ARHGEF3: variants seen among roughly 807,000 people sequenced by gnomAD.
ARHGEF3 encodes Rho guanine nucleotide exchange factor 3, also known as 59.8 kDA protein.
A neutral mutation model predicts 63.2 loss-of-function variants in ARHGEF3; 28 were observed. The ratio of observed to expected loss-of-function variants is 0.44; its 90% confidence interval spans 0.33 to 0.61. The LOEUF is 0.61. Among genes scored for constraint, ARHGEF3 ranks in the 20% least tolerant of loss-of-function variants. The probability of loss-of-function intolerance (pLI) is 0.03; values close to 1 mark genes in which losing one functional copy is unlikely to be tolerated. For synonymous variants in ARHGEF3, 266 were observed against 254.2 expected (o/e 1.05, Z -0.44); for missense variants, 533 against 659.3 (o/e 0.81, Z 2.10).
At position 56,763,148 on chromosome 3, in the gene ARHGEF3, GT is replaced by G. The variant is rs367830792; in HGVS notation, c.205-7998del. 2.9e-3 allele frequency among the ~76,000 whole-genome samples: 447 copies of G among 152,222 alleles called. 1 individual carries two copies. Among genetic ancestry groups the G allele is most frequent in the African/African-American group, 0.01 (421 of 41,548 alleles). Reference sequence around the variant, plus strand: ...GCTGAGAGACCTTTCATCTCTCTGGGTCTCAGTTTCCTCATCTCTAAAAGGT... The same window carrying G: ...GCTGAGAGACCTTTCATCTCTCTGGGCTCAGTTTCCTCATCTCTAAAAGGT... On this transcript the variant is annotated intron_variant, in intron 2 of 9. Coordinates refer to ENST00000296315, the MANE Select transcript of ARHGEF3 (RefSeq NM_019555.3).
chr3:56,800,415 C>T (rs2037581172), intron 1 of ARHGEF3, among the ~76,000 whole-genome samples: 1 of 152,136 alleles, frequency 6.6e-6, no homozygotes, highest in Non-Finnish European at 1.5e-5. Context: ...CTGCTGGCAA[C>T]AAAAACTCTT....
At chr3:56,974,701 C>T (rs951204062) in intron 2 of ARHGEF3, among the ~76,000 whole-genome samples, 1 of 152,062 alleles carries the variant, frequency 6.6e-6, no homozygotes, top group Non-Finnish European at 1.5e-5. Context: ...AATCATCGCA[C>T]GTTTTCAATG....
At chr3:56,931,725 G>A (rs1036057583) in intron 3 of ARHGEF3, among the ~76,000 whole-genome samples, 1 of 151,898 alleles carries the variant, frequency 6.6e-6, no homozygotes, top group Admixed American at 6.6e-5. Context: ...TTTCCAAAGT[G>A]ATATTCCAAA....
At chr3:57,003,401 CAAAAAAAAAA>C (rs60214570) in intron 2 of ARHGEF3, among the ~76,000 whole-genome samples, 3 of 43,708 alleles carry the variant, frequency 6.9e-5, no homozygotes, top group Admixed American at 4.2e-4. Flanking sequence ...GACGCCGTCT[CAAAAAAAAAA>C]AAAAAAAAAA....
At chr3:56,785,402 C>G (rs932673442) in intron 1 of ARHGEF3, among the ~76,000 whole-genome samples, 3 of 152,116 alleles carry the variant, frequency 2.0e-5, no homozygotes, top group Non-Finnish European at 2.9e-5. Context: ...ATCCTCCCAC[C>G]CGCCCACTGC....
chr3:56,821,962 C>CGAGAAGAGAAGAGAA (rs11278622), intron 4 of ARHGEF3, among the ~76,000 whole-genome samples: 2,528 of 118,868 alleles, frequency 0.021, 51 homozygotes, highest in East Asian at 0.036. Context: ...GACTCTGTCT[C>CGAGAAGAGAAGAGAA]GAGAAGAGAA....
At chr3:56,945,582 G>A (rs1699447631) in intron 3 of ARHGEF3, among the ~76,000 whole-genome samples, 1 of 152,170 alleles carries the variant, frequency 6.6e-6, no homozygotes, top group African/African-American at 2.4e-5. Context: ...GGCTGGAGGA[G>A]GGGCGCCTGC....
intron 3 of ARHGEF3, among the ~76,000 whole-genome samples, chr3:56,907,741 T>C (rs1383293818): frequency 6.6e-6 from 1 of 152,174 alleles, no homozygotes; most frequent in Non-Finnish European, 1.5e-5. Flanking sequence ...CTGGAGGCCA[T>C]TATCCTTAGC....
intron 4 of ARHGEF3, among the ~76,000 whole-genome samples, chr3:56,826,687 C>T (rs563449142): frequency 6.6e-6 from 1 of 152,262 alleles, no homozygotes; most frequent in South Asian, 2.1e-4. Flanking sequence ...TGTTTAGTTG[C>T]CCACTCCTGA....
intron 7 of ARHGEF3, among the ~76,000 whole-genome samples, chr3:56,739,901 ATT>A (rs11391206): frequency 3.5e-5 from 5 of 142,212 alleles, no homozygotes; most frequent in Admixed American, 1.4e-4. Flanking sequence ...AGTTTCAAAG[ATT>A]TTTTTTTTTT....
chr3:56,967,648 T>C (rs1328085620), intron 2 of ARHGEF3, among the ~76,000 whole-genome samples: 1 of 91,496 alleles, frequency 1.1e-5, no homozygotes, highest in Non-Finnish European at 1.9e-5. Context: ...TTATATAATA[T>C]ATAAAATAGC....
intron 7 of ARHGEF3, among the ~76,000 whole-genome samples, chr3:56,742,313 A>C (rs1250024943): frequency 6.6e-6 from 1 of 152,112 alleles, no homozygotes; most frequent in East Asian, 1.9e-4. Context: ...GAATATCCAA[A>C]CTCCTATTTT....
chr3:56,957,341 C>T (rs760618176), intron 3 of ARHGEF3, among the ~76,000 whole-genome samples: 2 of 152,074 alleles, frequency 1.3e-5, no homozygotes, highest in Non-Finnish European at 2.9e-5. Flanking sequence ...TGAATAGAAC[C>T]AGTCAGAACA....
At chr3:56,897,231 G>C (rs970013040) in intron 3 of ARHGEF3, among the ~76,000 whole-genome samples, 2 of 152,186 alleles carry the variant, frequency 1.3e-5, no homozygotes, top group Admixed American at 6.5e-5. Flanking sequence ...GACTTGGCTA[G>C]GGAGAGCCCT....
At chr3:56,946,417 G>A (rs1349414377) in intron 3 of ARHGEF3, among the ~76,000 whole-genome samples, 1 of 152,166 alleles carries the variant, frequency 6.6e-6, no homozygotes, top group Non-Finnish European at 1.5e-5. Flanking sequence ...AATAACCAAT[G>A]CAGAGAAGTC....
chr3:56,793,876 G>A (rs1421645586), intron 1 of ARHGEF3, among the ~76,000 whole-genome samples: 1 of 152,078 alleles, frequency 6.6e-6, no homozygotes, highest in East Asian at 1.9e-4. Flanking sequence ...ATATATTAGT[G>A]TACTTCTCTT....
chr3:56,731,634 G>C (rs1413693031), intron 9 of ARHGEF3: 6 of 117,146 alleles, frequency 5.1e-5, no homozygotes, highest in African/African-American at 2.0e-4. Context: ...GTATTCATTT[G>C]TTTATCATCT....
intron 2 of ARHGEF3, among the ~76,000 whole-genome samples, chr3:56,983,745 G>A (rs553795069): frequency 6.6e-6 from 1 of 152,192 alleles, no homozygotes; most frequent in South Asian, 2.1e-4. Context: ...AGGCCATCCT[G>A]GCCAATATGG....
intron 1 of ARHGEF3, among the ~76,000 whole-genome samples, chr3:57,041,265 C>T (rs1296250038): frequency 6.6e-6 from 1 of 152,194 alleles, no homozygotes; most frequent in Non-Finnish European, 1.5e-5. Flanking sequence ...CAGTGCTCCT[C>T]GTGCATTATC....
Sources: allele counts gnomAD v4.1 joint callset (sites outside exome capture counted in the v4.1 genomes callset), GRCh38; gene constraint gnomAD v4.1.1; transcripts MANE v1.5; gene names NCBI Gene and HGNC (gene_info 2026-07-23, HGNC 2026-07-21).